The following NPAS3 variants were observed in gnomAD, a reference collection of about 807,000 sequenced individuals.
NPAS3 encodes neuronal PAS domain protein 3.
In NPAS3, 14 loss-of-function variants were observed where a neutral mutation model predicts 73.1. The observed-to-expected ratio is 0.19, with a 90% CI of 0.13 to 0.30. The LOEUF is 0.30. Among genes scored for constraint, NPAS3 ranks in the 10% least tolerant of loss-of-function variants. The pLI is 1.00. For missense variants in NPAS3, 1,096 were observed against 1,250.0 expected, an observed-to-expected ratio of 0.88 and a Z score of 1.86; for synonymous variants, 620 against 541.5, an observed-to-expected ratio of 1.14 and a Z score of -2.01.
intron 4 of NPAS3, among the ~76,000 whole-genome samples, chr14:33,550,386 G>C (rs2055052637): frequency 1.3e-5 from 2 of 152,208 alleles, no homozygotes; most frequent in African/African-American, 4.8e-5. Flanking sequence ...CTACTTTGAA[G>C]GATGCCATCA....
chr14:33,376,483 T>C (rs2046317933), intron 4 of NPAS3, among the ~76,000 whole-genome samples: 1 of 152,186 alleles, frequency 6.6e-6, no homozygotes, highest in East Asian at 1.9e-4. Context: ...AATGCCAGTA[T>C]ATTCAGAGTG....
chr14:33,455,821 C>A (rs1282101902), intron 4 of NPAS3, among the ~76,000 whole-genome samples: 1 of 113,418 alleles, frequency 8.8e-6, no homozygotes, highest in East Asian at 2.6e-4. Context: ...CTTTTAACAG[C>A]CTTTGTTATG....
At chr14:33,316,248 A>G (rs976017283) in intron 3 of NPAS3, among the ~76,000 whole-genome samples, 2 of 152,114 alleles carry the variant, frequency 1.3e-5, no homozygotes, top group African/African-American at 4.8e-5. Context: ...CAGGTTTGAT[A>G]TGAATGAAGT....
rs34877774 is a variant in NPAS3, at chr14:33,383,088, T to TAA, written c.468+15844_468+15845dup. On this transcript the variant is annotated intron_variant, in intron 4 of 11. Coordinates refer to ENST00000356141, the Ensembl canonical transcript of NPAS3. ...TGTGACAGAGCAAAAGACCCTGTCT[T>TAA]AAAAAAAAAAAAAAAAAAAAAAAAA... is the stretch of plus-strand genomic sequence containing the variant. Among the ~76,000 whole-genome samples, 717 of 104,264 alleles carry TAA rather than the reference T, an allele frequency of 6.9e-3. 5 individuals are homozygous for TAA. Among genetic ancestry groups the TAA allele is most frequent in the African/African-American group, 0.019 (490 of 25,934 alleles). 68.4% of individuals were successfully genotyped at this position (104,264 alleles called of 152,430 possible). A position where few individuals can be genotyped will look rare whatever the true frequency, so the allele number is the denominator to read the frequency against.
At chr14:33,288,377 C>G (rs2041963282) in intron 3 of NPAS3, among the ~76,000 whole-genome samples, 1 of 152,118 alleles carries the variant, frequency 6.6e-6, no homozygotes, top group Non-Finnish European at 1.5e-5. Flanking sequence ...CTCACAAAGC[C>G]ATTTGTCCCC....
At chr14:33,122,471 C>G (rs1399882165) in intron 2 of NPAS3, among the ~76,000 whole-genome samples, 1 of 152,024 alleles carries the variant, frequency 6.6e-6, no homozygotes, top group African/African-American at 2.4e-5. Flanking sequence ...TTATTCAACT[C>G]AAAAACCACT....
intron 4 of NPAS3, among the ~76,000 whole-genome samples, chr14:33,441,754 G>A (rs987249664): frequency 4.2e-4 from 64 of 152,226 alleles, no homozygotes; most frequent in African/African-American, 1.3e-3. Context: ...CACGTGGCTG[G>A]GGAGGCCTCA....
intron 9 of NPAS3, among the ~76,000 whole-genome samples, chr14:33,784,766 T>TTTTTTTTA (rs2063115082): frequency 7.1e-6 from 1 of 141,582 alleles, no homozygotes; most frequent in African/African-American, 2.6e-5. Flanking sequence ...TTTTTTTTTT[T>TTTTTTTTA]TGAGACAGAG....
chr14:33,147,730 A>AAAAAATAT (rs372663411), intron 2 of NPAS3, among the ~76,000 whole-genome samples: 10 of 130,354 alleles, frequency 7.7e-5, no homozygotes, highest in East Asian at 4.2e-4. Context: ...TAGAATAAAA[A>AAAAAATAT]ATATATATAT....
At chr14:33,493,639 C>A (rs2052018878) in intron 4 of NPAS3, among the ~76,000 whole-genome samples, 1 of 152,082 alleles carries the variant, frequency 6.6e-6, no homozygotes, top group African/African-American at 2.4e-5. Flanking sequence ...GGTTATCTAG[C>A]TGAAAATAGA....
At chr14:33,685,716 T>C (rs2060069599) in intron 6 of NPAS3, among the ~76,000 whole-genome samples, 1 of 152,246 alleles carries the variant, frequency 6.6e-6, no homozygotes, top group African/African-American at 2.4e-5. Context: ...GTTGCAAATA[T>C]TCTGATAACA....
At chr14:33,637,696 T>G (rs1385900770) in intron 5 of NPAS3, among the ~76,000 whole-genome samples, 2 of 152,246 alleles carry the variant, frequency 1.3e-5, no homozygotes, top group Non-Finnish European at 2.9e-5. Flanking sequence ...TTGTTTGCTG[T>G]TTTTTTCTTA....
At chr14:33,546,520 C>A (rs1042129777) in intron 4 of NPAS3, among the ~76,000 whole-genome samples, 2 of 152,182 alleles carry the variant, frequency 1.3e-5, no homozygotes, top group South Asian at 2.1e-4. Flanking sequence ...AAGATTTCAG[C>A]CTTGAAGAAG....
At chr14:33,144,474 TC>T (rs2044168788) in intron 2 of NPAS3, among the ~76,000 whole-genome samples, 1 of 152,246 alleles carries the variant, frequency 6.6e-6, no homozygotes, top group Non-Finnish European at 1.5e-5. Flanking sequence ...AATCTTTCAG[TC>T]CTTGCATACT....
intron 2 of NPAS3, among the ~76,000 whole-genome samples, chr14:33,125,176 A>G (rs926548419): frequency 3.3e-5 from 5 of 152,124 alleles, no homozygotes; most frequent in African/African-American, 1.2e-4. Flanking sequence ...GCATTACATT[A>G]TTTAATGAAT....
chr14:33,601,800 TAAATG>T (rs1404377004), intron 5 of NPAS3, among the ~76,000 whole-genome samples: 2 of 152,228 alleles, frequency 1.3e-5, no homozygotes, highest in Non-Finnish European at 2.9e-5. Flanking sequence ...AATATCCTCT[TAAATG>T]AAAGTTTGAT....
intron 3 of NPAS3, 147 bp downstream of exon 3, chr14:33,215,573 A>C: frequency 1.1e-6 from 1 of 907,404 alleles, no homozygotes; most frequent in Non-Finnish European, 1.8e-6. Context: ...TGCATGAGAA[A>C]GACACCATGT....
chr14:33,430,748 A>G (rs2048751015), intron 4 of NPAS3, among the ~76,000 whole-genome samples: 1 of 152,180 alleles, frequency 6.6e-6, no homozygotes, highest in South Asian at 2.1e-4. Flanking sequence ...CCTGCAAATT[A>G]AATTATTAAT....
intron 2 of NPAS3, 73 bp from the exon 3 acceptor site, chr14:33,215,109 C>G: frequency 1.4e-6 from 2 of 1,456,760 alleles, no homozygotes; most frequent in Non-Finnish European, 9.4e-7. Context: ...AAAGGAAATA[C>G]AAAGAAAGCA....
Sources: gnomAD v4.1 joint callset for allele counts (sites outside exome capture counted in the v4.1 genomes callset) on GRCh38, gnomAD v4.1.1 for gene constraint, MANE v1.5 for transcripts, NCBI Gene and HGNC (gene_info 2026-07-23, HGNC 2026-07-21) for gene names.